Variants in SLC6A9 observed in about 807,000 individuals in gnomAD.
The protein encoded by SLC6A9 is solute carrier family 6 member 9, also known as sodium- and chloride-dependent glycine transporter 1.
In SLC6A9, 31 loss-of-function variants were observed where a neutral mutation model predicts 70.9. The ratio of observed to expected loss-of-function variants is 0.44; its 90% CI spans 0.33 to 0.59. The LOEUF (loss-of-function observed/expected upper bound fraction) is 0.59. Among genes scored for constraint, SLC6A9 ranks in the 20% least tolerant of loss-of-function variants. The pLI is 0.04. For synonymous variants in SLC6A9, 310 were observed against 341.3 expected (o/e 0.91, Z 1.01); for missense variants, 631 against 845.2 (o/e 0.75, Z 3.14).
intron 12 of SLC6A9, among the ~76,000 whole-genome samples, chr1:43,999,120 A>G (rs936981739): frequency 6.6e-6 from 1 of 152,104 alleles, no homozygotes; most frequent in Non-Finnish European, 1.5e-5. Context: ...AGCTTATAAC[A>G]GGTTTCCTGA....
At chr1:44,026,551 C>T (rs751724007) in intron 1 of SLC6A9, among the ~76,000 whole-genome samples, 20 of 151,462 alleles carry the variant, frequency 1.3e-4, no homozygotes, top group Non-Finnish European at 2.8e-4. Flanking sequence ...CCCAGCTACT[C>T]GGGAGGCTGA....
intron 12 of SLC6A9, among the ~76,000 whole-genome samples, chr1:43,999,045 A>C (rs1489868440): frequency 1.3e-5 from 2 of 151,660 alleles, no homozygotes; most frequent in African/African-American, 4.8e-5. Context: ...GCACAGGGCC[A>C]TATTCTAGAA....
At chr1:44,029,999 C>T (rs1374547878) in intron 1 of SLC6A9, among the ~76,000 whole-genome samples, 1 of 152,208 alleles carries the variant, frequency 6.6e-6, no homozygotes, top group Non-Finnish European at 1.5e-5. Flanking sequence ...AAATAGACCG[C>T]GCTTTGTGCG....
chr1:44,030,116 G>A (rs1302639584), intron 1 of SLC6A9, among the ~76,000 whole-genome samples: 1 of 152,022 alleles, frequency 6.6e-6, no homozygotes, highest in Admixed American at 6.5e-5. Flanking sequence ...TTAAGTATCC[G>A]CCGGCCCGAG....
intron 1 of SLC6A9, among the ~76,000 whole-genome samples, chr1:44,028,641 G>C (rs1361836942): frequency 6.6e-6 from 1 of 152,212 alleles, no homozygotes; most frequent in African/African-American, 2.4e-5. Context: ...TGTAATCCCA[G>C]CTGCTCAGGA....
rs115134800 is a variant in SLC6A9 at position 43,999,729 on chromosome 1, T to A, written c.1536+1038A>T. On this transcript the variant is annotated intron_variant, in intron 12 of 13. Transcript: ENST00000372310. ...CTCCACGGGCCTTTATTCAGAAACA[T>A]GAGCCACAGGGGAAGTCTGGTGCTG... Among the ~76,000 whole-genome samples the A allele has an allele frequency of 3.0e-3, 451 of 152,218 alleles. 5 individuals carry two copies. The highest frequency in any genetic ancestry group is 0.011 in the African/African-American group (439 of 41,534).
In SLC6A9 at chr1:44,013,092, C is replaced by T. The variant is rs2086628116; in HGVS notation, c.31-2210G>A. ...GGGGCACAATGCCTGATTGTGCCAG[C>T]AGCACAGTACACGGATGGGGTCACA... On this transcript the variant is annotated intron_variant, in intron 2 of 13. Transcript: ENST00000372310. The surrounding 1 kb of genome is among the most constrained non-coding windows in gnomAD (Gnocchi z 5.3). Among the ~76,000 whole-genome samples the T allele has an allele frequency of 6.6e-6, 1 of 152,196 alleles. No individual in the cohort carries two copies. The highest frequency in any genetic ancestry group is 1.5e-5 in the Non-Finnish European group (1 of 68,026).
At position 44,008,205 on chromosome 1, in the gene SLC6A9, C is replaced by G. The variant is rs2086391213; in HGVS notation, c.590+148G>C. 11 of 765,672 alleles carry G rather than the reference C, an allele frequency of 1.4e-5. No homozygotes were observed. In the South Asian group the frequency reaches 1.9e-4, roughly 13 times the overall value. The allele number at this position is 765,672 out of a possible 1,614,324, so 47.4% of individuals were successfully genotyped here. A position where few individuals can be genotyped will look rare whatever the true frequency, so the allele number is the denominator to read the frequency against. ...TGCTTTCTGTACATCAGGCTCTTCT[C>G]CTAAACTCTTCACTCACCTCTACCC... On this transcript the variant is annotated intron_variant, in intron 5 of 13. Coordinates refer to ENST00000372310, the MANE Select transcript of SLC6A9 (RefSeq NM_001024845.3).
In SLC6A9 at chr1:44,001,214, A is replaced by G. The variant is rs2086088665; in HGVS notation, c.1285T>C (p.Leu429=). 1.9e-6 allele frequency: 3 copies of G among 1,614,070 alleles called. No individual in the cohort carries two copies. Among genetic ancestry groups the G allele is most frequent in the South Asian group, 1.1e-5 (1 of 91,084 alleles). The part of the protein sequence containing the change: ...WILQKKTYVT[L]GVAVAGFLLG... ...AGGAAGCCAGCCACAGCCACGCCCAAGGTCACATAGGTCTTTTTCTGCAGG... is the reference window on the plus strand; with the variant it reads ...AGGAAGCCAGCCACAGCCACGCCCAGGGTCACATAGGTCTTTTTCTGCAGG... Residue 429 remains leucine, a synonymous_variant, in exon 10 of 14, where the codon TTG becomes CTG. Coordinates refer to ENST00000372310, the MANE Select transcript of SLC6A9 (RefSeq NM_001024845.3).
intron 2 of SLC6A9, among the ~76,000 whole-genome samples, chr1:44,014,115 C>A (rs907131882): frequency 6.6e-6 from 1 of 152,050 alleles, no homozygotes; most frequent in African/African-American, 2.4e-5. Flanking sequence ...TTCTCCTAAC[C>A]CCCACCACCA....
rs2086942204 is a variant in SLC6A9, at chr1:44,024,302, T to G, written c.-25A>C. 6.2e-7 allele frequency: 1 copy of G among 1,614,112 alleles called. No individual in the cohort carries two copies. The highest frequency in any genetic ancestry group is 8.5e-7 in the Non-Finnish European group (1 of 1,179,922). ...TGGCGGCGGTGGGTTGGGGCTCTGG[T>G]GACGGGGACCACACTCACAGGCTCT... On this transcript the variant is annotated 5_prime_UTR_variant, in exon 2 of 14. Coordinates refer to ENST00000372310, the MANE Select transcript of SLC6A9 (RefSeq NM_001024845.3).
At position 44,012,284 on chromosome 1, in the gene SLC6A9, G is replaced by A. The variant is rs150936937; in HGVS notation, c.31-1402C>T. Reference sequence around the variant, plus strand: ...TGAATGGCCTCCCTGGGCCCCAAGCGCCTTGGATAGGCCAGGTGGGAATGT... The same window carrying A: ...TGAATGGCCTCCCTGGGCCCCAAGCACCTTGGATAGGCCAGGTGGGAATGT... On this transcript the variant is annotated intron_variant, in intron 2 of 13. Coordinates refer to ENST00000372310, the MANE Select transcript of SLC6A9 (RefSeq NM_001024845.3). Among the ~76,000 whole-genome samples, 435 of 152,368 alleles carry A rather than the reference G, an allele frequency of 2.9e-3. 1 individual carries two copies. Among genetic ancestry groups the A allele is most frequent in the African/African-American group, 9.6e-3 (399 of 41,584 alleles).
In SLC6A9 at chr1:44,017,276, C is replaced by T. The variant is rs2086783226; in HGVS notation, c.31-6394G>A. 3 of 1,488,600 alleles carry T rather than the reference C, an allele frequency of 2.0e-6. No individual in the cohort carries two copies. In the East Asian group the frequency reaches 7.8e-5, roughly 39 times the overall value. 92.2% of individuals were successfully genotyped at this position (1,488,600 alleles called of 1,614,324 possible). A position where few individuals can be genotyped will look rare whatever the true frequency, so the allele number is the denominator to read the frequency against. On this transcript the variant is annotated intron_variant, in intron 2 of 13. Transcript: ENST00000372310. The stretch of plus-strand genomic sequence containing the variant: ...CCCTGGCCCTGCCCCTCCGGCCAGT[C>T]CCCATGCAGCCCAGCACGGGTGCTC...
At chr1:44,031,168 A>T (rs1291717354) in intron 1 of SLC6A9, 138 bp downstream of exon 1, 1 of 57,760 alleles carries the variant, frequency 1.7e-5, no homozygotes, top group Non-Finnish European at 4.6e-5. Context: ...ATGCGCGATC[A>T]CACACACACA....
At chr1:44,010,216 C>T in intron 3 of SLC6A9, 120 bp from the exon 4 acceptor site, 2 of 1,106,862 alleles carry the variant, frequency 1.8e-6, no homozygotes, top group Non-Finnish European at 1.3e-6. Context: ...GAGGAGTGTG[C>T]CAGGCTTGAG....
At chr1:44,025,453 T>C (rs1453142793) in intron 1 of SLC6A9, among the ~76,000 whole-genome samples, 1 of 151,278 alleles carries the variant, frequency 6.6e-6, no homozygotes. Flanking sequence ...AGTTGCCTCA[T>C]TGCACTCCAG....
In SLC6A9 at chr1:44,008,469, A is replaced by G. The variant is rs755340184; in HGVS notation, c.474T>C (p.Gly158=). Residue 158 remains glycine (G), a synonymous_variant, in exon 5 of 14, where the codon GGT becomes GGC. Transcript: ENST00000372310. ...TGGTGAGGTTGGAGGCGTCCAGTAC[A>G]CCGGCGCAGTCATGCGTGTTCCAGG... The part of the protein sequence containing the change: ...NNPWNTHDCA[G]VLDASNLTNG... 1 of 1,614,036 alleles carries G rather than the reference A, an allele frequency of 6.2e-7. No individual in the cohort carries two copies. The highest frequency in any genetic ancestry group is 1.3e-5 in the African/African-American group (1 of 74,944).
rs762800287 is a variant in SLC6A9 at position 44,000,936 on chromosome 1, C to T, written c.1435+20G>A. 1.2e-6 allele frequency: 2 copies of T among 1,602,430 alleles called. No individual in the cohort carries two copies. The highest frequency in any genetic ancestry group is 1.7e-6 in the Non-Finnish European group (2 of 1,172,908). ...GGGCCAAGGGCCGGGTCGCGGGAGG[C>T]CGGAGGCTCGAGTGCTCACCGTAGA... On this transcript the variant is annotated intron_variant, in intron 11 of 13. Transcript: ENST00000372310.
chr1:44,030,790 G>C (rs1042667565), intron 1 of SLC6A9, among the ~76,000 whole-genome samples: 2 of 152,226 alleles, frequency 1.3e-5, no homozygotes, highest in African/African-American at 4.8e-5. Context: ...GGGCCAGATA[G>C]GCAGCCAGGC....
Sources: allele counts gnomAD v4.1 joint callset (sites outside exome capture counted in the v4.1 genomes callset), GRCh38; gene constraint gnomAD v4.1.1; non-coding constraint Gnocchi (gnomAD v3.1); transcripts MANE v1.5; gene names NCBI Gene and HGNC (gene_info 2026-07-23, HGNC 2026-07-21).